Variants in CPLANE1 observed in about 807,000 individuals in gnomAD.
CPLANE1 encodes ciliogenesis and planar polarity effector complex subunit 1.
A neutral mutation model predicts 362.5 loss-of-function variants in CPLANE1; 263 were observed. The observed-to-expected ratio is 0.73, with a 90% CI of 0.66 to 0.80. The LOEUF is 0.80. CPLANE1 is among the 30% of genes least tolerant of loss of function. The pLI, the probability that CPLANE1 is intolerant of heterozygous loss-of-function variation, is 0.00. For missense variants in CPLANE1, 3,461 were observed against 3,793.4 expected, an observed-to-expected ratio of 0.91 and a Z score of 2.30; for synonymous variants, 1,212 against 1,302.6, an observed-to-expected ratio of 0.93 and a Z score of 1.50.
chr5:37,132,009 C>T (rs907748192), intron 46 of CPLANE1, among the ~76,000 whole-genome samples: 3 of 152,092 alleles, frequency 2.0e-5, no homozygotes, highest in South Asian at 2.1e-4. Flanking sequence ...ACTGTTAACA[C>T]GATCATTAAC....
At chr5:37,102,703 T>C (rs111846511), downstream of CPLANE1, among the ~76,000 whole-genome samples, 3,247 of 152,296 alleles carry the variant, frequency 0.021, 127 homozygotes, top group African/African-American at 0.075. Context: ...TCAATTTCCA[T>C]GTAGTTGTGT....
intron 43 of CPLANE1, among the ~76,000 whole-genome samples, chr5:37,144,013 GA>G (rs1210213265): frequency 6.6e-6 from 1 of 150,788 alleles, no homozygotes; most frequent in Non-Finnish European, 1.5e-5. Context: ...AGAGAGAAAA[GA>G]AAAAATGGGG....
At chr5:37,164,224 T>A (rs775313031) in intron 37 of CPLANE1, 49 bp downstream of exon 37, 1 of 1,395,796 alleles carries the variant, frequency 7.2e-7, no homozygotes, top group Non-Finnish European at 1.0e-6. Context: ...TCTAGAAAGC[T>A]AATTTTAACT....
At chr5:37,210,920 A>G in intron 16 of CPLANE1, 1 of 779,984 alleles carries the variant, frequency 1.3e-6, no homozygotes, top group Admixed American at 1.7e-5. Flanking sequence ...AGCATACTAC[A>G]CAGTTGAAGG....
chr5:37,178,169 C>G (rs1781705471), intron 29 of CPLANE1, among the ~76,000 whole-genome samples: 1 of 152,062 alleles, frequency 6.6e-6, no homozygotes, highest in South Asian at 2.1e-4. Flanking sequence ...GTGGCGCATA[C>G]CTGTAGTCCC....
At chr5:37,200,734 T>G (rs1788925650) in intron 19 of CPLANE1, among the ~76,000 whole-genome samples, 1 of 152,120 alleles carries the variant, frequency 6.6e-6, no homozygotes, top group African/African-American at 2.4e-5. Flanking sequence ...AAAAAGTTTC[T>G]GAGAGGAATA....
At position 37,183,199 on chromosome 5, in the gene CPLANE1, A is replaced by T. The variant is rs768213967; in HGVS notation, c.4982T>A (p.Leu1661Ter). 6.2e-7 allele frequency: 1 copy of T among 1,611,040 alleles called. No homozygotes were observed. The highest frequency in any genetic ancestry group is 8.5e-7 in the Non-Finnish European group (1 of 1,178,862). The change falls in exon 26 of 53, where the codon TTA (leucine) becomes TAA (stop). Residue 1661 changes from leucine (L) to a stop codon, truncating the protein, a stop_gained. Transcript: ENST00000651892. LOFTEE classifies it high-confidence loss of function. ...VLVNQGIKPF[L>*]QYPSNEVNKN... ...ATTGACTTCATTCGAAGGATATTGT[A>T]AAAAAGGTTTGATCCCTTGATTAAC...
chr5:37,166,316 A>C lies in CPLANE1; in HGVS notation c.7401-645T>G, dbSNP rs1487851396. Among the ~76,000 whole-genome samples the C allele has an allele frequency of 3.9e-5, 6 of 152,330 alleles. No individual in the cohort carries two copies. The South Asian group carries it at 6.2e-4, about 16-fold the overall frequency. ...TTCTTAGTGCCCTGAAACAATTTAC[A>C]TCACCTACCCTCCTGCTTACTGTAA... On this transcript the variant is annotated intron_variant, in intron 35 of 52. Coordinates refer to ENST00000651892, the MANE Select transcript of CPLANE1 (RefSeq NM_001384732.1).
chr5:37,162,391 C>A, intron 38 of CPLANE1, 74 bp downstream of exon 38: 4 of 912,294 alleles, frequency 4.4e-6, no homozygotes, highest in Admixed American at 2.2e-5. Context: ...AAATCACTGT[C>A]TTAAAGGAAA....
At chr5:37,229,946 G>A in intron 9 of CPLANE1, among the ~76,000 whole-genome samples, 1 of 152,080 alleles carries the variant, frequency 6.6e-6, no homozygotes, top group East Asian at 1.9e-4. Flanking sequence ...GGAGGCCAAG[G>A]CGGGTGGATC....
chr5:37,236,141 C>T (rs553314655), intron 8 of CPLANE1, among the ~76,000 whole-genome samples: 2 of 152,272 alleles, frequency 1.3e-5, no homozygotes, highest in South Asian at 2.1e-4. Flanking sequence ...TCCCAAAGTG[C>T]GTTAGCCACC....
intron 21 of CPLANE1, among the ~76,000 whole-genome samples, chr5:37,193,541 G>C (rs1164466222): frequency 6.6e-6 from 1 of 151,964 alleles, no homozygotes; most frequent in Non-Finnish European, 1.5e-5. Context: ...TATAGTCCCA[G>C]CTACTGGGAA....
At chr5:37,134,430 C>A (rs1402898990) in intron 46 of CPLANE1, among the ~76,000 whole-genome samples, 2 of 152,178 alleles carry the variant, frequency 1.3e-5, no homozygotes, top group Admixed American at 6.5e-5. Flanking sequence ...TGCATACAGG[C>A]ATTCATAAAA....
chr5:37,139,775 C>T, intron 44 of CPLANE1: 1 of 844,598 alleles, frequency 1.2e-6, no homozygotes, highest in Non-Finnish European at 1.4e-6. Flanking sequence ...GTCTCGAACT[C>T]CTGAGCTCAA....
In CPLANE1 at chr5:37,121,647, G is replaced by A. The variant is rs557372169; in HGVS notation, c.9155C>T (p.Ser3052Phe). 6.2e-7 allele frequency: 1 copy of A among 1,614,170 alleles called. No homozygotes were observed. The highest frequency in any genetic ancestry group is 1.3e-5 in the African/African-American group (1 of 75,046). ...LPNKPSPTQS[S>F]SCQHCPSPRG... The stretch of plus-strand genomic sequence containing the variant: ...TGGAGAAGGGCAGTGTTGACAACTG[G>A]AAGACTGAGTAGGGCTGGGTTTGTT... The change falls in exon 49 of 53, where the codon TCC (serine) becomes TTC (phenylalanine). Residue 3052 changes from serine (S) to phenylalanine (F), a missense_variant. Physicochemically the swap from Ser to Phe is radical, Grantham distance 155. Around this residue, in one of 2 missense-constraint regions of CPLANE1, gnomAD observed 3,380 missense variants for 3,666.1 expected, o/e 0.92. Transcript: ENST00000651892.
At chr5:37,220,975 T>A (rs1336556154) in intron 15 of CPLANE1, among the ~76,000 whole-genome samples, 3 of 152,212 alleles carry the variant, frequency 2.0e-5, no homozygotes, top group Non-Finnish European at 4.4e-5. Context: ...TACTATCAGC[T>A]CAGCAGGCAA....
At chr5:37,159,094 C>CTTTTTTTT (rs34035923) in intron 38 of CPLANE1, among the ~76,000 whole-genome samples, 2 of 59,760 alleles carry the variant, frequency 3.3e-5, no homozygotes, top group African/African-American at 8.9e-5. Context: ...AATTCACATT[C>CTTTTTTTT]TTTTTTTTTT....
chr5:37,101,624 G>A (rs1320065556), downstream of CPLANE1, among the ~76,000 whole-genome samples: 1 of 151,984 alleles, frequency 6.6e-6, no homozygotes, highest in Non-Finnish European at 1.5e-5. Flanking sequence ...CTTATAAAAT[G>A]AGGGAGGAGT....
intron 41 of CPLANE1, among the ~76,000 whole-genome samples, chr5:37,155,102 C>A (rs1305640720): frequency 6.6e-6 from 1 of 152,196 alleles, no homozygotes; most frequent in Non-Finnish European, 1.5e-5. Flanking sequence ...CAAATGATAT[C>A]CCTATCTGTA....
Sources: allele counts gnomAD v4.1 joint callset (sites outside exome capture counted in the v4.1 genomes callset), GRCh38; gene constraint gnomAD v4.1.1; regional missense constraint gnomAD v4.1.1; transcripts MANE v1.5; gene names NCBI Gene and HGNC (gene_info 2026-07-23, HGNC 2026-07-21).